The following MIPOL1 variants were observed in gnomAD, a reference collection of about 807,000 sequenced individuals.
MIPOL1 encodes the protein mirror-image polydactyly gene 1 protein.
MIPOL1 carries 57 observed loss-of-function variants against 60.9 expected under a neutral mutation model. That is an observed-to-expected ratio of 0.94 (90% CI 0.76 to 1.17). The LOEUF is 1.17. Ranked by LOEUF, MIPOL1 falls within the 50% of genes most tolerant of loss-of-function variation. The pLI is 0.00. For missense variants in MIPOL1, 551 were observed against 511.6 expected, an observed-to-expected ratio of 1.08 and a Z score of -0.74; for synonymous variants, 179 against 168.8, an observed-to-expected ratio of 1.06 and a Z score of -0.47.
At chr14:37,253,451 T>A (rs1287629610) in intron 3 of MIPOL1, among the ~76,000 whole-genome samples, 3 of 151,762 alleles carry the variant, frequency 2.0e-5, no homozygotes, top group African/African-American at 7.2e-5. Context: ...AATCTGTATT[T>A]CACATACCAG....
At chr14:37,328,628 A>G (rs2089410347) in intron 9 of MIPOL1, among the ~76,000 whole-genome samples, 1 of 152,204 alleles carries the variant, frequency 6.6e-6, no homozygotes, top group Non-Finnish European at 1.5e-5. Context: ...CTAACTCTGA[A>G]TTCTAGTACT....
At chr14:37,502,554 A>T (rs2095230776) in intron 12 of MIPOL1, 1 of 152,264 alleles carries the variant, frequency 6.6e-6, no homozygotes. Flanking sequence ...AAAACTAACA[A>T]ACAGAAAGGA....
Position 37,223,064 on chromosome 14 carries a change from G to A in MIPOL1, c.-198-24039G>A, listed in dbSNP as rs186605972. Among the ~76,000 whole-genome samples, 527 of 152,114 alleles carry A rather than the reference G, an allele frequency of 3.5e-3. 2 individuals are homozygous for A. The highest frequency in any genetic ancestry group is 0.012 in the African/African-American group (512 of 41,496). ...TTTTTTCCCTTTGAGACAGAGTCTCGCTCTGTTGCCCAGGCTGGAGTGCAG... is the reference window on the plus strand; with the variant it reads ...TTTTTTCCCTTTGAGACAGAGTCTCACTCTGTTGCCCAGGCTGGAGTGCAG... On this transcript the variant is annotated intron_variant, in intron 1 of 12. Transcript: ENST00000684589.
chr14:37,424,630 A>G (rs1243040314), intron 11 of MIPOL1, among the ~76,000 whole-genome samples: 1 of 152,206 alleles, frequency 6.6e-6, no homozygotes, highest in Non-Finnish European at 1.5e-5. Flanking sequence ...CTTGGAAACT[A>G]ATGCAGTTAT....
chr14:37,338,445 G>T (rs576707201), intron 9 of MIPOL1, among the ~76,000 whole-genome samples: 1 of 150,924 alleles, frequency 6.6e-6, no homozygotes, highest in Non-Finnish European at 1.5e-5. Flanking sequence ...ATCTCGCACT[G>T]TCATCCAGGC....
At chr14:37,489,437 A>G (rs2095011011) in intron 11 of MIPOL1, among the ~76,000 whole-genome samples, 1 of 152,068 alleles carries the variant, frequency 6.6e-6, no homozygotes, top group Admixed American at 6.6e-5. Flanking sequence ...CCCACCTACT[A>G]AAGCCTACTT....
At position 37,415,459 on chromosome 14, in the gene MIPOL1, T is replaced by TA. The variant is rs79287318; in HGVS notation, c.937-7385dup. Among the ~76,000 whole-genome samples the TA allele has an allele frequency of 7.2e-4, 104 of 144,664 alleles. 1 individual carries two copies. Among genetic ancestry groups the TA allele is most frequent in the South Asian group, 2.2e-3 (10 of 4,582 alleles). The allele number at this position is 144,664 out of a possible 152,430, so 94.9% of individuals were successfully genotyped here. A position where few individuals can be genotyped will look rare whatever the true frequency, so the allele number is the denominator to read the frequency against. On this transcript the variant is annotated intron_variant, in intron 10 of 12. Coordinates refer to ENST00000684589, the MANE Select transcript of MIPOL1 (RefSeq NM_001388067.1). ...AACACGGTGAAACCCCTGTCTCTAC[T>TA]AAAAAAAAAAATACAAAAAATTAGC...
At chr14:37,240,998 T>C (rs1972271190) in intron 1 of MIPOL1, among the ~76,000 whole-genome samples, 1 of 151,700 alleles carries the variant, frequency 6.6e-6, no homozygotes, top group African/African-American at 2.4e-5. Flanking sequence ...ACCTATGTGA[T>C]TGTGGAGGCT....
At chr14:37,444,113 A>C (rs1481366518) in intron 11 of MIPOL1, among the ~76,000 whole-genome samples, 1 of 152,180 alleles carries the variant, frequency 6.6e-6, no homozygotes, top group Non-Finnish European at 1.5e-5. Context: ...AAAAATTGGA[A>C]AAATAAAACT....
At chr14:37,275,949 T>C (rs1441009456) in intron 6 of MIPOL1, among the ~76,000 whole-genome samples, 2 of 151,204 alleles carry the variant, frequency 1.3e-5, no homozygotes, top group African/African-American at 2.4e-5. Flanking sequence ...ACATTTCTTA[T>C]TAACCTTTGG....
chr14:37,273,591 A>T (rs2083448130), intron 6 of MIPOL1, among the ~76,000 whole-genome samples: 1 of 151,014 alleles, frequency 6.6e-6, no homozygotes, highest in Admixed American at 6.6e-5. Flanking sequence ...TTCCAAGGTG[A>T]TTGTATAATT....
At chr14:37,369,409 A>AG (rs2092575279) in intron 9 of MIPOL1, 108 bp from the exon 10 acceptor site, 3 of 633,936 alleles carry the variant, frequency 4.7e-6, no homozygotes, top group Non-Finnish European at 7.7e-6. Context: ...CAAAAAAAAA[A>AG]CCTTGTCTTT....
At chr14:37,493,051 A>C (rs1255399693) in intron 11 of MIPOL1, among the ~76,000 whole-genome samples, 1 of 152,218 alleles carries the variant, frequency 6.6e-6, no homozygotes, top group Admixed American at 6.5e-5. Flanking sequence ...CTAATGATTG[A>C]GCAATTACTG....
At chr14:37,522,630 ATC>A (rs2095421576) in intron 12 of MIPOL1, among the ~76,000 whole-genome samples, 1 of 152,150 alleles carries the variant, frequency 6.6e-6, no homozygotes, top group South Asian at 2.1e-4. Flanking sequence ...GTAAACTCCC[ATC>A]TCTGTGAAGT....
intron 9 of MIPOL1, among the ~76,000 whole-genome samples, chr14:37,353,436 G>A (rs2091560096): frequency 6.6e-6 from 1 of 150,758 alleles, no homozygotes; most frequent in African/African-American, 2.4e-5. Flanking sequence ...GAGTTAGGGA[G>A]GATTCCCTCT....
chr14:37,355,298 C>G, intron 9 of MIPOL1, among the ~76,000 whole-genome samples: 1 of 116,172 alleles, frequency 8.6e-6, no homozygotes, highest in African/African-American at 3.1e-5. Context: ...ATGGGCTTCC[C>G]TTTGTGGGTA....
chr14:37,222,177 A>G (rs1431823546), intron 1 of MIPOL1, among the ~76,000 whole-genome samples: 1 of 151,892 alleles, frequency 6.6e-6, no homozygotes, highest in African/African-American at 2.4e-5. Context: ...GAAGAAAGGG[A>G]TAACTGGTCC....
intron 11 of MIPOL1, among the ~76,000 whole-genome samples, chr14:37,471,677 CT>C (rs893726600): frequency 6.6e-6 from 1 of 151,938 alleles, no homozygotes; most frequent in Non-Finnish European, 1.5e-5. Flanking sequence ...ATCCCAACCA[CT>C]TTTTTTTAAT....
chr14:37,465,377 A>G (rs2094586144), intron 11 of MIPOL1, among the ~76,000 whole-genome samples: 1 of 152,148 alleles, frequency 6.6e-6, no homozygotes, highest in Non-Finnish European at 1.5e-5. Flanking sequence ...AATAGTAGGA[A>G]ACTATTTCTC....
Sources: allele counts gnomAD v4.1 joint callset (sites outside exome capture counted in the v4.1 genomes callset), GRCh38; gene constraint gnomAD v4.1.1; transcripts MANE v1.5; gene names NCBI Gene and HGNC (gene_info 2026-07-23, HGNC 2026-07-21).